SLC7A14: variants seen among roughly 807,000 people sequenced by gnomAD.
SLC7A14 encodes solute carrier family 7 member 14.
Under a neutral mutation model 60.2 loss-of-function variants are expected in SLC7A14, and 37 were observed. The observed-to-expected ratio is 0.61, with a 90% CI of 0.47 to 0.81. The LOEUF (loss-of-function observed/expected upper bound fraction) is 0.81. SLC7A14 is among the 30% of genes least tolerant of loss of function. The pLI, the probability that SLC7A14 is intolerant of heterozygous loss-of-function variation, is 0.00. For synonymous variants in SLC7A14, 399 were observed against 395.8 expected, an observed-to-expected ratio of 1.01 and a Z score of -0.10; for missense variants, 886 against 982.7, an observed-to-expected ratio of 0.90 and a Z score of 1.32.
At chr3:170,470,375 T>C (rs979604212) in intron 7 of SLC7A14, among the ~76,000 whole-genome samples, 1 of 148,644 alleles carries the variant, frequency 6.7e-6, no homozygotes, top group African/African-American at 2.5e-5. Flanking sequence ...CTCTCACATA[T>C]TGACTGTGGT....
At chr3:170,525,212 G>A (rs1316012799) in intron 2 of SLC7A14, among the ~76,000 whole-genome samples, 1 of 152,194 alleles carries the variant, frequency 6.6e-6, no homozygotes, top group Non-Finnish European at 1.5e-5. Context: ...CAAAAAGCCG[G>A]AGGTTTTCCT....
rs577695774 is a variant in SLC7A14, at chr3:170,535,119, T to C, written c.-152-8031A>G. ...GGTGCCTCAGGTCTTTGCTTGGGGC[T>C]AGGTGTCCTTGCATGTGTGGCCACA... On this transcript the variant is annotated intron_variant, in intron 1 of 7. Transcript: ENST00000231706. The surrounding 1 kb of genome is among the most constrained non-coding windows in gnomAD (Gnocchi z 4.3). Among the ~76,000 whole-genome samples the C allele has an allele frequency of 1.3e-5, 2 of 152,148 alleles. No homozygotes were observed. Among genetic ancestry groups the C allele is most frequent in the African/African-American group, 4.8e-5 (2 of 41,510 alleles).
rs2108259990 is a variant in SLC7A14 at position 170,462,862 on chromosome 3, A to T, written c.*4193T>A. On this transcript the variant is annotated 3_prime_UTR_variant, in exon 8 of 8. Transcript: ENST00000231706. ...GTTGAAAACTTTAAAGTGGCTGTTA[A>T]ATTGTGTTGCTTGTCCACGTATTAA... 1 of 152,302 alleles carries T rather than the reference A, an allele frequency of 6.6e-6. No homozygotes were observed. Among genetic ancestry groups the T allele is most frequent in the East Asian group, 1.9e-4 (1 of 5,184 alleles). The allele number at this position is 152,302 out of a possible 1,614,324, so 9.4% of individuals were successfully genotyped here.
chr3:170,570,333 A>T (rs1384517044), intron 1 of SLC7A14: 1 of 152,354 alleles, frequency 6.6e-6, no homozygotes, highest in Non-Finnish European at 1.5e-5. Flanking sequence ...CTGTAGTTCC[A>T]GCTAGTCCGG....
chr3:170,494,739 G>A (rs1712326897), intron 4 of SLC7A14, among the ~76,000 whole-genome samples: 1 of 152,216 alleles, frequency 6.6e-6, no homozygotes, highest in African/African-American at 2.4e-5. Flanking sequence ...CATAAACAAT[G>A]CATATGCAGC....
At chr3:170,490,696 G>A (rs765917921) in intron 4 of SLC7A14, among the ~76,000 whole-genome samples, 3 of 152,182 alleles carry the variant, frequency 2.0e-5, no homozygotes, top group Non-Finnish European at 4.4e-5. Flanking sequence ...CTTTAGTTAG[G>A]AGCATAGACT....
In SLC7A14 at chr3:170,560,811, T is replaced by A. The variant is rs908169621; in HGVS notation, c.-153+25100A>T. Among the ~76,000 whole-genome samples the A allele has an allele frequency of 5.3e-5, 8 of 152,218 alleles. 1 individual carries two copies. Among genetic ancestry groups the A allele is most frequent in the African/African-American group, 1.9e-4 (8 of 41,458 alleles). On this transcript the variant is annotated intron_variant, in intron 1 of 7. Coordinates refer to ENST00000231706, the MANE Select transcript of SLC7A14 (RefSeq NM_020949.3). ...AATTATCTCCAATTAATCTTTGACG[T>A]GTTTTAATTTAGCCTATGAATTGCA...
At position 170,549,628 on chromosome 3, in the gene SLC7A14, G is replaced by A. The variant is rs143354898; in HGVS notation, c.-152-22540C>T. On this transcript the variant is annotated intron_variant, in intron 1 of 7. Transcript: ENST00000231706. ...TATCGCCAGTGTGACACTTATGACC[G>A]CAGAAATTAAAAATGCTAACAGTTA... 1.0e-3 allele frequency among the ~76,000 whole-genome samples: 157 copies of A among 152,246 alleles called. 1 individual carries two copies. The highest frequency in any genetic ancestry group is 3.6e-3 in the African/African-American group (151 of 41,544).
chr3:170,480,935 G>T lies in SLC7A14; in HGVS notation c.1347C>A (p.Thr449=), dbSNP rs571972825. 3.7e-6 allele frequency: 6 copies of T among 1,613,776 alleles called. No homozygotes were observed. The African/African-American group carries it at 5.3e-5, about 14-fold the overall frequency. The change falls in exon 7 of 8, where the codon ACC becomes ACA. Residue 449 remains threonine, a synonymous_variant. Transcript: ENST00000231706. ...GFVKFLSEEH[T]KKKEGILADC... The stretch of plus-strand genomic sequence containing the variant: ...CAGCCAGAATGCCCTCCTTCTTCTT[G>T]GTGTGCTCCTCAGACAAGAACTTGA...
chr3:170,483,938 T>C (rs1048660645), intron 5 of SLC7A14, among the ~76,000 whole-genome samples: 1 of 152,184 alleles, frequency 6.6e-6, no homozygotes, highest in Admixed American at 6.5e-5. Flanking sequence ...GACTCTCATT[T>C]CTCTTCTGCT....
Position 170,462,065 on chromosome 3 carries a change from T to G in SLC7A14, c.*4990A>C, listed in dbSNP as rs747091962. 1 of 152,366 alleles carries G rather than the reference T, an allele frequency of 6.6e-6. No individual in the cohort carries two copies. The highest frequency in any genetic ancestry group is 1.5e-5 in the Non-Finnish European group (1 of 68,128). The allele number at this position is 152,366 out of a possible 1,614,324, so 9.4% of individuals were successfully genotyped here. On this transcript the variant is annotated 3_prime_UTR_variant, in exon 8 of 8. Transcript: ENST00000231706. ...CCGTAAGCAGACCCCCGCTCTGGCT[T>G]CAGACACATTTCCTGAGTTCTGACT...
Position 170,465,048 on chromosome 3 carries a change from T to C in SLC7A14, c.*2007A>G, listed in dbSNP as rs1273431511. ...GCTGTATTTCACAGAGTAGGCACTG[T>C]ATCTTTATGGTTAACTCTAGGGAAG... is the stretch of plus-strand genomic sequence containing the variant. On this transcript the variant is annotated 3_prime_UTR_variant, in exon 8 of 8. Transcript: ENST00000231706. 4 of 152,234 alleles carry C rather than the reference T, an allele frequency of 2.6e-5. No individual in the cohort carries two copies. The highest frequency in any genetic ancestry group is 4.8e-5 in the African/African-American group (2 of 41,462). The allele number at this position is 152,234 out of a possible 1,614,324, so 9.4% of individuals were successfully genotyped here.
chr3:170,493,631 CAG>C (rs1313185140), intron 4 of SLC7A14, among the ~76,000 whole-genome samples: 1 of 152,166 alleles, frequency 6.6e-6, no homozygotes, highest in East Asian at 1.9e-4. Context: ...TTTTAGGTAA[CAG>C]AGCGAGGAAT....
chr3:170,481,525 C>T (rs1427031078), intron 6 of SLC7A14, among the ~76,000 whole-genome samples: 1 of 151,774 alleles, frequency 6.6e-6, no homozygotes, highest in African/African-American at 2.4e-5. Context: ...CCTCAGCCTC[C>T]CGAGTAGCTG....
intron 2 of SLC7A14, among the ~76,000 whole-genome samples, chr3:170,505,353 C>T (rs1460332108): frequency 5.3e-5 from 8 of 152,294 alleles, no homozygotes; most frequent in African/African-American, 1.2e-4. Flanking sequence ...GACTTCGTTG[C>T]GTCTCCTAAT....
In SLC7A14 at chr3:170,551,328, C is replaced by CT. The variant is rs555603251; in HGVS notation, c.-152-24241dup. Among the ~76,000 whole-genome samples the CT allele has an allele frequency of 2.6e-3, 403 of 152,256 alleles. 3 individuals carry two copies. Among genetic ancestry groups the CT allele is most frequent in the African/African-American group, 9.2e-3 (383 of 41,548 alleles). On this transcript the variant is annotated intron_variant, in intron 1 of 7. Transcript: ENST00000231706. ...GTTGATACCATTTGGATTGTTTCCA[C>CT]TTTTTGGATATTATGAATAATGTTG... is the stretch of plus-strand genomic sequence containing the variant.
At chr3:170,579,743 AC>A (rs2108319056) in intron 1 of SLC7A14, among the ~76,000 whole-genome samples, 1 of 152,374 alleles carries the variant, frequency 6.6e-6, no homozygotes, top group African/African-American at 2.4e-5. Flanking sequence ...GAATTTAGGA[AC>A]AATAGCAATT....
At chr3:170,492,198 C>T (rs370593256) in intron 4 of SLC7A14, among the ~76,000 whole-genome samples, 2 of 152,228 alleles carry the variant, frequency 1.3e-5, no homozygotes, top group South Asian at 4.2e-4. Context: ...AGCACATGTG[C>T]AGTACCTAGG....
Position 170,528,917 on chromosome 3 carries a change from C to T in SLC7A14, c.-152-1829G>A, listed in dbSNP as rs1713591550. Among the ~76,000 whole-genome samples, 4 of 152,114 alleles carry T rather than the reference C, an allele frequency of 2.6e-5. No individual in the cohort carries two copies. The South Asian group carries it at 8.3e-4, about 32-fold the overall frequency. On this transcript the variant is annotated intron_variant, in intron 1 of 7. Coordinates refer to ENST00000231706, the MANE Select transcript of SLC7A14 (RefSeq NM_020949.3). ...CACGTGTCTATTTATTTCCACTCAG[C>T]CAGCATATAAGGAACACCTGTTATG...
Sources: gnomAD v4.1 joint callset for allele counts (sites outside exome capture counted in the v4.1 genomes callset) on GRCh38, gnomAD v4.1.1 for gene constraint, Gnocchi (gnomAD v3.1) non-coding constraint, MANE v1.5 for transcripts, NCBI Gene and HGNC (gene_info 2026-07-23, HGNC 2026-07-21) for gene names.